Variants in CES5A observed in about 807,000 individuals in gnomAD.
CES5A encodes carboxylesterase 5A, also known as carboxylesterase 5.
A neutral mutation model predicts 62.9 loss-of-function variants in CES5A; 67 were observed. That is an observed-to-expected ratio of 1.07 (90% confidence interval 0.88 to 1.31). The LOEUF is 1.31. Ranked by LOEUF, CES5A falls within the 50% of genes most tolerant of loss-of-function variation. The probability of loss-of-function intolerance (pLI) is 0.00; values close to 1 mark genes in which losing one functional copy is unlikely to be tolerated. For synonymous variants in CES5A, 296 were observed against 280.8 expected (o/e 1.05, Z -0.54); for missense variants, 748 against 708.5 (o/e 1.06, Z -0.63).
chr16:55,911,078 C>T (rs560285033), intron 1 of CES5A, among the ~76,000 whole-genome samples: 2 of 152,314 alleles, frequency 1.3e-5, no homozygotes, highest in African/African-American at 4.8e-5. Context: ...TCCTGCCTCC[C>T]AAGCAAACTA....
At chr16:55,853,130 T>G in intron 9 of CES5A, 102 bp from the exon 10 acceptor site, 1 of 1,217,150 alleles carries the variant, frequency 8.2e-7, no homozygotes, top group Non-Finnish European at 1.2e-6. Context: ...TTACCCACAT[T>G]GCTTCATTTA....
In CES5A at chr16:55,937,541, C is replaced by CA. The variant is rs533967031; in HGVS notation, c.160+12243dup. 3.8e-3 allele frequency among the ~76,000 whole-genome samples: 575 copies of CA among 151,768 alleles called. 5 individuals carry two copies. The highest frequency in any genetic ancestry group is 0.013 in the African/African-American group (537 of 41,402). On this transcript the variant is annotated intron_variant, in intron 2 of 13. Transcript: ENST00000521992. Reference sequence around the variant, plus strand: ...AAATTCAGCTATGCCAAAACAAAACCAAAAAAAACATGGGGATGGGGACTG... The same window carrying CA: ...AAATTCAGCTATGCCAAAACAAAACCAAAAAAAAACATGGGGATGGGGACTG...
At chr16:55,911,647 A>T (rs1438631148) in intron 1 of CES5A, among the ~76,000 whole-genome samples, 1 of 152,194 alleles carries the variant, frequency 6.6e-6, no homozygotes, top group African/African-American at 2.4e-5. Context: ...TGGGTTTTCT[A>T]TTCTGCGCTT....
rs142239690 is a variant in CES5A, at chr16:55,871,576, G to A, written c.417+49C>T. The A allele has an allele frequency of 1.1e-3, 1,741 of 1,607,058 alleles. 10 individuals are homozygous for A. The African/African-American group carries it at 0.018, about 17-fold the overall frequency. On this transcript the variant is annotated intron_variant, in intron 3 of 12. Coordinates refer to ENST00000290567, the MANE Select transcript of CES5A (RefSeq NM_001143685.2). Reference sequence around the variant, plus strand: ...TGTAGCTGCACTGCCTGGATCCCAGGCCAAGGTCCTGCTAGCTAGAGCCCG... The same window carrying A: ...TGTAGCTGCACTGCCTGGATCCCAGACCAAGGTCCTGCTAGCTAGAGCCCG...
At chr16:55,937,347 TG>T (rs1448527747) in intron 2 of CES5A, among the ~76,000 whole-genome samples, 1 of 152,182 alleles carries the variant, frequency 6.6e-6, no homozygotes, top group African/African-American at 2.4e-5. Context: ...AGGGACAGAT[TG>T]TGCTTCAAGG....
intron 2 of CES5A, among the ~76,000 whole-genome samples, chr16:55,936,774 A>C (rs2034380638): frequency 6.6e-6 from 1 of 152,362 alleles, no homozygotes; most frequent in African/African-American, 2.4e-5. Context: ...GTTGAGGAGC[A>C]CTTCAATGAG....
chr16:55,947,716 A>G (rs1326881703), intron 2 of CES5A, among the ~76,000 whole-genome samples: 2 of 152,034 alleles, frequency 1.3e-5, no homozygotes, highest in Non-Finnish European at 2.9e-5. Context: ...AGTTGAAGGA[A>G]GTGAGGGGAG....
intron 1 of CES5A, among the ~76,000 whole-genome samples, chr16:55,952,126 A>G (rs116058176): frequency 7.6e-4 from 115 of 152,308 alleles, no homozygotes; most frequent in African/African-American, 2.6e-3. Context: ...ATTAGAAATT[A>G]ATAACAAAAA....
intron 8 of CES5A, among the ~76,000 whole-genome samples, chr16:55,857,358 T>C (rs1313618034): frequency 2.6e-5 from 4 of 152,172 alleles, no homozygotes; most frequent in Non-Finnish European, 4.4e-5. Context: ...ATTTGTTAAA[T>C]TACCACTTTC....
chr16:55,881,445 G>C (rs533652549), intron 1 of CES5A, among the ~76,000 whole-genome samples: 1 of 152,326 alleles, frequency 6.6e-6, no homozygotes, highest in African/African-American at 2.4e-5. Flanking sequence ...TACTGGGTAG[G>C]AGAGAATTTA....
At chr16:55,875,636 G>T (rs1397454016), upstream of CES5A, among the ~76,000 whole-genome samples, 1 of 152,208 alleles carries the variant, frequency 6.6e-6, no homozygotes, top group Non-Finnish European at 1.5e-5. Context: ...TCTGAGAAGA[G>T]GAAGAAGGTT....
chr16:55,869,609 A>G lies in CES5A; in HGVS notation c.551+2T>C. ...GGATGTCCATCATTTGGAGAGACTC[A>G]CGTGAAGAAACCAAATATTCCTAGC... On this transcript the variant is annotated splice_donor_variant, in intron 4 of 12. Coordinates refer to ENST00000290567, the MANE Select transcript of CES5A (RefSeq NM_001143685.2). LOFTEE classifies it high-confidence loss of function. 1.9e-6 allele frequency: 3 copies of G among 1,613,678 alleles called. No individual in the cohort carries two copies. The highest frequency in any genetic ancestry group is 1.3e-5 in the African/African-American group (1 of 75,032).
intron 11 of CES5A, 45 bp from the exon 12 acceptor site, chr16:55,846,885 G>T: frequency 6.6e-7 from 1 of 1,511,584 alleles, no homozygotes; most frequent in South Asian, 1.1e-5. Context: ...GGTGAGGCTC[G>T]GGAAGCCCCG....
chr16:55,849,920 T>A, intron 10 of CES5A, 147 bp from the exon 11 acceptor site: 1 of 781,024 alleles, frequency 1.3e-6, no homozygotes, highest in Non-Finnish European at 2.0e-6. Flanking sequence ...CATTTGAGGC[T>A]GGAATTTCCT....
chr16:55,864,914 A>C (rs1300411561), intron 5 of CES5A, among the ~76,000 whole-genome samples: 18 of 146,868 alleles, frequency 1.2e-4, no homozygotes, highest in Non-Finnish European at 2.4e-4. Context: ...TCTCAAAAAA[A>C]ATATTGCTGT....
chr16:55,866,517 T>C lies in CES5A; in HGVS notation c.552-401A>G, dbSNP rs1597121410. 2.6e-5 allele frequency among the ~76,000 whole-genome samples: 4 copies of C among 151,886 alleles called. No individual in the cohort carries two copies. The South Asian group carries it at 8.3e-4, about 32-fold the overall frequency. The stretch of plus-strand genomic sequence containing the variant: ...AGAATTTTCCATGAAACTAAATTAA[T>C]AGTAGTCACAATAACAATTAACAGG... On this transcript the variant is annotated intron_variant, in intron 4 of 12. Transcript: ENST00000290567.
rs147555691 is a variant in CES5A, at chr16:55,872,619, C to T, written c.279-856G>A. Reference sequence around the variant, plus strand: ...TACCATACTGTGTACGCAATCAATTCTTAATAGAATAGTGTGCAATATTGC... The same window carrying T: ...TACCATACTGTGTACGCAATCAATTTTTAATAGAATAGTGTGCAATATTGC... On this transcript the variant is annotated intron_variant, in intron 2 of 12. Transcript: ENST00000290567. 5.4e-3 allele frequency among the ~76,000 whole-genome samples: 817 copies of T among 152,286 alleles called. 29 individuals carry two copies. Among genetic ancestry groups the T allele is most frequent in the Admixed American group, 0.05 (760 of 15,298 alleles).
intron 2 of CES5A, among the ~76,000 whole-genome samples, chr16:55,938,789 TATATATATAC>T (rs1458534740): frequency 0.024 from 1,624 of 67,058 alleles, 82 homozygotes; most frequent in African/African-American, 0.083. Flanking sequence ...TATATATATA[TATATATATAC>T]ACACATATAT....
At chr16:55,875,953 C>T (rs759064748), upstream of CES5A, among the ~76,000 whole-genome samples, 3 of 152,194 alleles carry the variant, frequency 2.0e-5, no homozygotes, top group Non-Finnish European at 2.9e-5. Context: ...ACCACCACCC[C>T]CATTTTGGAT....
Sources: gnomAD v4.1 joint callset for allele counts (sites outside exome capture counted in the v4.1 genomes callset) on GRCh38, gnomAD v4.1.1 for gene constraint, MANE v1.5 for transcripts, NCBI Gene and HGNC (gene_info 2026-07-23, HGNC 2026-07-21) for gene names.